The following KAZN variants were observed in gnomAD, a reference collection of about 807,000 sequenced individuals.
KAZN encodes the protein kazrin.
A neutral mutation model predicts 87.4 loss-of-function variants in KAZN; 40 were observed. The ratio of observed to expected loss-of-function variants is 0.46; its 90% CI spans 0.36 to 0.60. KAZN has a LOEUF of 0.60. Among genes scored for constraint, KAZN ranks in the 20% least tolerant of loss-of-function variants. The probability of loss-of-function intolerance (pLI) is 0.00; values close to 1 mark genes in which losing one functional copy is unlikely to be tolerated. For synonymous variants in KAZN, 466 were observed against 458.3 expected, an observed-to-expected ratio of 1.02 and a Z score of -0.22; for missense variants, 898 against 1,073.9, an observed-to-expected ratio of 0.84 and a Z score of 2.29.
chr1:14,842,557 A>G (rs750946159), intron 1 of KAZN, among the ~76,000 whole-genome samples: 20 of 152,206 alleles, frequency 1.3e-4, no homozygotes, highest in Non-Finnish European at 4.4e-5. Context: ...TATTCCCACC[A>G]GAGTGTTTAT....
intron 2 of KAZN, among the ~76,000 whole-genome samples, chr1:14,585,855 G>A (rs1414208193): frequency 1.3e-5 from 2 of 152,186 alleles, no homozygotes; most frequent in Non-Finnish European, 2.9e-5. Context: ...CATCCCCGAG[G>A]GAAGATGGGC....
rs547972034 is a variant in KAZN at position 14,950,181 on chromosome 1, C to G, written c.227-10503C>G. On this transcript the variant is annotated intron_variant, in intron 1 of 14. Coordinates refer to ENST00000376030, the MANE Select transcript of KAZN (RefSeq NM_201628.3). ...GAGTGGGTGGGTGTTATTTGAGAGT[C>G]TTCTCCTATTTGGGGATTGCTGTAC... is the stretch of plus-strand genomic sequence containing the variant. Among the ~76,000 whole-genome samples, 11 of 152,148 alleles carry G rather than the reference C, an allele frequency of 7.2e-5. 1 individual carries two copies. The highest frequency in any genetic ancestry group is 2.7e-4 in the African/African-American group (11 of 41,466).
chr1:14,420,107 T>C (rs1571601866), intron 2 of KAZN, among the ~76,000 whole-genome samples: 1 of 152,308 alleles, frequency 6.6e-6, no homozygotes, highest in African/African-American at 2.4e-5. Flanking sequence ...AGGGTGCTGA[T>C]TGGTGCATTT....
chr1:14,304,295 T>G (rs1323015055), intron 2 of KAZN, among the ~76,000 whole-genome samples: 1 of 152,222 alleles, frequency 6.6e-6, no homozygotes, highest in African/African-American at 2.4e-5. Flanking sequence ...CAAAGGACAC[T>G]TTTCTTTGAG....
At chr1:15,027,742 G>A (rs1387174790) in intron 2 of KAZN, among the ~76,000 whole-genome samples, 3 of 152,170 alleles carry the variant, frequency 2.0e-5, no homozygotes, top group African/African-American at 7.2e-5. Context: ...ACCTCTGAGC[G>A]CATGTTTGTC....
chr1:15,075,155 T>A (rs963444852), intron 8 of KAZN, among the ~76,000 whole-genome samples: 7 of 152,126 alleles, frequency 4.6e-5, no homozygotes, highest in Non-Finnish European at 5.9e-5. Context: ...TCCCCTCATA[T>A]TGCAGATGGG....
At chr1:14,190,045 A>C (rs541570592) in intron 2 of KAZN, among the ~76,000 whole-genome samples, 9 of 152,270 alleles carry the variant, frequency 5.9e-5, no homozygotes, top group African/African-American at 1.7e-4. Context: ...AGAGGCCTCT[A>C]CATCCAACTT....
chr1:14,205,902 A>AAAAAAAAAAAAAAAAAAC, intron 2 of KAZN, among the ~76,000 whole-genome samples: 1 of 56,556 alleles, frequency 1.8e-5, no homozygotes, highest in Non-Finnish European at 3.1e-5. Context: ...AAAAAAAAAA[A>AAAAAAAAAAAAAAAAAAC]AAAAGCTACC....
chr1:14,455,482 G>A (rs573589600), intron 2 of KAZN, among the ~76,000 whole-genome samples: 1 of 152,166 alleles, frequency 6.6e-6, no homozygotes, highest in Non-Finnish European at 1.5e-5. Context: ...GATACTCAGT[G>A]TTCCAGTGTT....
At chr1:14,569,320 C>CTGTTTT (rs1674719810) in intron 2 of KAZN, among the ~76,000 whole-genome samples, 1 of 92,328 alleles carries the variant, frequency 1.1e-5, no homozygotes, top group Non-Finnish European at 1.9e-5. Context: ...ACTTCCTCTG[C>CTGTTTT]TTTTTTTTTT....
At chr1:14,128,849 C>T (rs1414770884) in intron 1 of KAZN, among the ~76,000 whole-genome samples, 2 of 152,136 alleles carry the variant, frequency 1.3e-5, no homozygotes, top group Non-Finnish European at 2.9e-5. Context: ...CAGGAAATCT[C>T]CATTTTCATC....
chr1:14,867,878 A>G (rs537680843), intron 1 of KAZN, among the ~76,000 whole-genome samples: 1 of 89,000 alleles, frequency 1.1e-5, no homozygotes, highest in East Asian at 3.3e-4. Context: ...CTGCACTTGG[A>G]TAGGTGGAGA....
intron 1 of KAZN, among the ~76,000 whole-genome samples, chr1:14,727,180 C>T (rs1411528672): frequency 2.0e-5 from 3 of 152,174 alleles, no homozygotes; most frequent in African/African-American, 7.2e-5. Context: ...CTCTCTTGCT[C>T]ATGTTCAGTA....
intron 1 of KAZN, among the ~76,000 whole-genome samples, chr1:14,650,766 T>C (rs957339150): frequency 2.0e-5 from 3 of 152,220 alleles, no homozygotes; most frequent in Non-Finnish European, 2.9e-5. Flanking sequence ...CATGTTTCTA[T>C]TGCATTTAGA....
chr1:14,956,552 G>A (rs1489945800), intron 1 of KAZN, among the ~76,000 whole-genome samples: 1 of 151,722 alleles, frequency 6.6e-6, no homozygotes, highest in African/African-American at 2.4e-5. Context: ...GTTGTAGTGA[G>A]CTGAGATCGT....
chr1:13,983,503 C>T lies in KAZN; in HGVS notation c.91+89747C>T, dbSNP rs187842716. ...CGACCACCTGGAACTCTAGCTGGCC[C>T]GCAAGCACGGCACACAGCCCTGGTT... is the stretch of plus-strand genomic sequence containing the variant. On this transcript the variant is annotated intron_variant, in intron 1 of 16. Transcript: ENST00000636203. 2.0e-4 allele frequency among the ~76,000 whole-genome samples: 30 copies of T among 152,326 alleles called. 1 individual carries two copies. Among genetic ancestry groups the T allele is most frequent in the Non-Finnish European group, 2.9e-4 (20 of 68,024 alleles).
intron 1 of KAZN, chr1:14,924,462 G>A: frequency 2.0e-6 from 2 of 990,370 alleles, no homozygotes; most frequent in Non-Finnish European, 2.4e-6. Context: ...GGGCCCGCGC[G>A]GCCCCCGGGA....
At chr1:14,464,375 G>A (rs998214417) in intron 2 of KAZN, among the ~76,000 whole-genome samples, 13 of 152,098 alleles carry the variant, frequency 8.5e-5, no homozygotes, top group African/African-American at 2.7e-4. Flanking sequence ...CTCAGATTGC[G>A]TTTCCTTAGA....
In KAZN at chr1:14,697,153, A is replaced by AAAAAG. The variant is rs1210363558; in HGVS notation, c.226+97949_226+97953dup. On this transcript the variant is annotated intron_variant, in intron 1 of 14. Transcript: ENST00000376030. ...CAAACAAACCAACAAAAAAAAAAAA[A>AAAAAG]AAAAGAAAAGAAAAGAAAAGAAATA... Among the ~76,000 whole-genome samples, 13 of 130,476 alleles carry AAAAAG rather than the reference A, an allele frequency of 1.0e-4. No homozygotes were observed. The South Asian group carries it at 2.8e-3, about 29-fold the overall frequency. 85.6% of individuals were successfully genotyped at this position (130,476 alleles called of 152,430 possible). A position where few individuals can be genotyped will look rare whatever the true frequency, so the allele number is the denominator to read the frequency against.
Sources: gnomAD v4.1 joint callset for allele counts (sites outside exome capture counted in the v4.1 genomes callset) on GRCh38, gnomAD v4.1.1 for gene constraint, MANE v1.5 for transcripts, NCBI Gene and HGNC (gene_info 2026-07-23, HGNC 2026-07-21) for gene names.